Variants in TUSC3 observed in about 807,000 individuals in gnomAD.
TUSC3 encodes the protein tumor suppressor candidate 3, also known as dolichyl-diphosphooligosaccharide--protein glycosyltransferase subunit TUSC3.
In TUSC3, 45 loss-of-function variants were observed where a neutral mutation model predicts 44.8. That is an observed-to-expected ratio of 1.00 (90% CI 0.79 to 1.29). TUSC3 has a LOEUF of 1.29. Among genes scored for constraint, TUSC3 ranks in the 50% most tolerant of loss-of-function variants. The probability of loss-of-function intolerance (pLI) is 0.00; values close to 1 mark genes in which losing one functional copy is unlikely to be tolerated. For missense variants in TUSC3, 519 were observed against 437.9 expected (o/e 1.19, Z -1.65); for synonymous variants, 212 against 152.9 (o/e 1.39, Z -2.85).
chr8:15,699,147 C>G (rs1376683606), intron 6 of TUSC3, among the ~76,000 whole-genome samples: 1 of 152,096 alleles, frequency 6.6e-6, no homozygotes, highest in African/African-American at 2.4e-5. Flanking sequence ...CCATGTGCAG[C>G]CATCTTCAGC....
At chr8:15,541,714 A>C (rs983944729) in intron 1 of TUSC3, among the ~76,000 whole-genome samples, 36 of 152,134 alleles carry the variant, frequency 2.4e-4, no homozygotes, top group African/African-American at 8.4e-4. Context: ...AACCACTGTT[A>C]AACTGAAATT....
At chr8:15,750,693 C>G (rs1329816899) in intron 9 of TUSC3, among the ~76,000 whole-genome samples, 1 of 152,046 alleles carries the variant, frequency 6.6e-6, no homozygotes, top group Non-Finnish European at 1.5e-5. Context: ...GTAAGCACAT[C>G]TGAACCAGCA....
At chr8:15,631,562 G>A (rs1054873782) in intron 2 of TUSC3, among the ~76,000 whole-genome samples, 2 of 151,772 alleles carry the variant, frequency 1.3e-5, no homozygotes, top group African/African-American at 4.8e-5. Flanking sequence ...TTAAGTATAG[G>A]TAAAAGAAAT....
At chr8:15,581,904 C>G in intron 1 of TUSC3, among the ~76,000 whole-genome samples, 1 of 143,732 alleles carries the variant, frequency 7.0e-6, no homozygotes, top group East Asian at 2.0e-4. Flanking sequence ...GCCCCTCCCC[C>G]AGCCTCGCTG....
intron 1 of TUSC3, among the ~76,000 whole-genome samples, chr8:15,573,168 T>TTCTC (rs1554516638): frequency 1.5e-3 from 127 of 85,532 alleles, no homozygotes; most frequent in East Asian, 2.0e-3. Flanking sequence ...TTCTCTCTCT[T>TTCTC]TCTCTCTCTC....
chr8:15,697,341 T>G (rs1235225035), intron 6 of TUSC3, among the ~76,000 whole-genome samples: 1 of 152,238 alleles, frequency 6.6e-6, no homozygotes. Context: ...GGTTTGTTCT[T>G]GTTTCTCTAG....
intron 2 of TUSC3, among the ~76,000 whole-genome samples, chr8:15,523,639 C>CATATATATATATATATATATAT (rs151223991): frequency 1.4e-4 from 9 of 63,702 alleles, no homozygotes; most frequent in East Asian, 4.5e-4. Flanking sequence ...CCTTTAAAAA[C>CATATATATATATATATATATAT]ATATATATAT....
At position 15,662,209 on chromosome 8, in the gene TUSC3, A is replaced by G. The variant is rs777914298; in HGVS notation, c.621A>G (p.Leu207=). The G allele has an allele frequency of 6.2e-7, 1 of 1,613,054 alleles. No homozygotes were observed. The highest frequency in any genetic ancestry group is 8.5e-7 in the Non-Finnish European group (1 of 1,179,342). ...CTGGTACCATTGCTTTGGCCCTGTT[A>G]GTGTCGCTTGTTGGAGGTTTGCTTT... ...NYSGTIALAL[L]VSLVGGLLYL... The change falls in exon 5 of 11, where the codon TTA becomes TTG. Residue 207 remains leucine (L), a synonymous_variant. Transcript: ENST00000503731.
At chr8:15,618,792 C>G (rs1337818059) in intron 1 of TUSC3, among the ~76,000 whole-genome samples, 3 of 152,170 alleles carry the variant, frequency 2.0e-5, no homozygotes, top group Non-Finnish European at 2.9e-5. Flanking sequence ...CAGCCAGTAG[C>G]TTTGTTTACA....
chr8:15,824,328 T>G, the TUSC3 span, among the ~76,000 whole-genome samples: 1 of 152,160 alleles, frequency 6.6e-6, no homozygotes, highest in African/African-American at 2.4e-5. Flanking sequence ...CTCAGGGATG[T>G]TTTCCTAAAA....
intron 6 of TUSC3, among the ~76,000 whole-genome samples, chr8:15,728,359 C>G (rs2604386): frequency 0.84 from 127,926 of 151,676 alleles, 54,343 homozygotes; most frequent in African/African-American, 0.88. Flanking sequence ...AGCCTCCTTT[C>G]CTAGTTCTTC....
At chr8:15,750,201 G>T (rs7826433) in intron 9 of TUSC3, among the ~76,000 whole-genome samples, 2 of 151,642 alleles carry the variant, frequency 1.3e-5, no homozygotes, top group East Asian at 3.9e-4. Flanking sequence ...GGATGGTCTC[G>T]ATCTCCTGAC....
chr8:15,719,594 A>C (rs771919948), intron 6 of TUSC3, among the ~76,000 whole-genome samples: 8 of 151,572 alleles, frequency 5.3e-5, no homozygotes, highest in African/African-American at 1.7e-4. Flanking sequence ...ATTTTATCTC[A>C]CCTGCCTAGG....
intron 2 of TUSC3, among the ~76,000 whole-genome samples, chr8:15,525,224 T>C (rs575011121): frequency 1.3e-5 from 2 of 152,292 alleles, no homozygotes; most frequent in African/African-American, 4.8e-5. Flanking sequence ...TTTTCCTCTA[T>C]ACCTAAGTAA....
chr8:15,497,572 G>A (rs1328000710), intron 2 of TUSC3, among the ~76,000 whole-genome samples: 1 of 152,182 alleles, frequency 6.6e-6, no homozygotes, highest in Non-Finnish European at 1.5e-5. Flanking sequence ...GCTAATTGAA[G>A]TGAGTTCTGG....
At chr8:15,777,979 T>A in the TUSC3 span, among the ~76,000 whole-genome samples, 2 of 152,034 alleles carry the variant, frequency 1.3e-5, no homozygotes, top group Non-Finnish European at 2.9e-5. Context: ...AAAAAGAGCA[T>A]TGAAAAACAT....
intron 1 of TUSC3, among the ~76,000 whole-genome samples, chr8:15,588,207 C>T (rs919191124): frequency 2.6e-5 from 4 of 152,016 alleles, no homozygotes; most frequent in Non-Finnish European, 5.9e-5. Flanking sequence ...CTGTTTTCTC[C>T]ACATCCTCAT....
At chr8:15,567,962 C>G (rs1431028731) in intron 1 of TUSC3, among the ~76,000 whole-genome samples, 2 of 152,120 alleles carry the variant, frequency 1.3e-5, no homozygotes, top group African/African-American at 4.8e-5. Context: ...GGCCTCCACT[C>G]CTTTTTCTCC....
chr8:15,810,401 G>A, the TUSC3 span, among the ~76,000 whole-genome samples: 1 of 152,188 alleles, frequency 6.6e-6, no homozygotes, highest in Non-Finnish European at 1.5e-5. Context: ...ACTTTGGGAA[G>A]CTAAGGTGGG....
Sources: gnomAD v4.1 joint callset for allele counts (sites outside exome capture counted in the v4.1 genomes callset) on GRCh38, gnomAD v4.1.1 for gene constraint, MANE v1.5 for transcripts, NCBI Gene and HGNC (gene_info 2026-07-23, HGNC 2026-07-21) for gene names.